Variants in ZNF729 observed in about 807,000 individuals in gnomAD.
ZNF729 encodes zinc finger protein 729.
ZNF729 carries 15 observed loss-of-function variants against 12.2 expected under a neutral mutation model. The observed-to-expected ratio is 1.23, with a 90% confidence interval of 0.82 to 1.89. ZNF729 has a LOEUF of 1.89. Among genes scored for constraint, ZNF729 ranks in the 40% most tolerant of loss-of-function variants. The probability of loss-of-function intolerance (pLI) is 0.00; values close to 1 mark genes in which losing one functional copy is unlikely to be tolerated. For synonymous variants in ZNF729, 492 were observed against 476.3 expected (o/e 1.03, Z -0.43); for missense variants, 1,540 against 1,456.7 (o/e 1.06, Z -0.93).
chr19:22,313,064 C>CTTTTTTTTTTT (rs148237802), intron 3 of ZNF729, among the ~76,000 whole-genome samples: 5 of 147,346 alleles, frequency 3.4e-5, no homozygotes, highest in African/African-American at 1.0e-4. Context: ...TGGCAATTTC[C>CTTTTTTTTTTT]TTTTTTTTTT....
In ZNF729 at chr19:22,295,038, T is replaced by TTGTGTGTGTGTGTG. The variant is rs71180536; in HGVS notation, c.30+8505_30+8518dup. Among the ~76,000 whole-genome samples the TTGTGTGTGTGTGTG allele has an allele frequency of 5.2e-3, 754 of 144,092 alleles. 6 individuals are homozygous for TTGTGTGTGTGTGTG. Among genetic ancestry groups the TTGTGTGTGTGTGTG allele is most frequent in the African/African-American group, 0.018 (711 of 38,906 alleles). The allele number at this position is 144,092 out of a possible 152,430, so 94.5% of individuals were successfully genotyped here. A position where few individuals can be genotyped will look rare whatever the true frequency, so the allele number is the denominator to read the frequency against. On this transcript the variant is annotated intron_variant, in intron 1 of 3. Coordinates refer to ENST00000601693, the MANE Select transcript of ZNF729 (RefSeq NM_001242680.2). ...TCTGGTTAGGTGTACTCCTAGATAT[T>TTGTGTGTGTGTGTG]TGTGTGTGTGTGTGTGTGTGTGTGT...
intron 1 of ZNF729, among the ~76,000 whole-genome samples, chr19:22,298,515 C>T (rs1968261494): frequency 6.6e-6 from 1 of 151,954 alleles, no homozygotes; most frequent in African/African-American, 2.4e-5. Context: ...AGCATAATTA[C>T]AGTGTCTTCT....
In ZNF729 at chr19:22,286,559, A is replaced by C; in HGVS notation, c.30+4A>C. On this transcript the variant is annotated splice_donor_region_variant and intron_variant, in intron 1 of 3. Transcript: ENST00000601693. ...TGCCCCTGGCAGCCTAGAAATGGTG[A>C]GAGTGCCGGGTCCGACATCCCGAGA... 6.2e-7 allele frequency: 1 copy of C among 1,613,818 alleles called. No individual in the cohort carries two copies. The highest frequency in any genetic ancestry group is 8.5e-7 in the Non-Finnish European group (1 of 1,179,978).
At chr19:22,290,493 A>G (rs935992176) in intron 1 of ZNF729, among the ~76,000 whole-genome samples, 9 of 152,196 alleles carry the variant, frequency 5.9e-5, no homozygotes, top group African/African-American at 2.2e-4. Context: ...GCCTTGTTTC[A>G]TATGGAAGAG....
intron 1 of ZNF729, chr19:22,298,938 C>T (rs1033771355): frequency 2.3e-4 from 35 of 152,218 alleles, no homozygotes; most frequent in African/African-American, 8.2e-4. Flanking sequence ...AGCTTAAATA[C>T]ATTCCACTAT....
intron 1 of ZNF729, among the ~76,000 whole-genome samples, chr19:22,294,626 T>A (rs965546315): frequency 1.3e-5 from 2 of 151,556 alleles, no homozygotes; most frequent in Admixed American, 6.6e-5. Context: ...TTATTTGTGT[T>A]ATCTCGGACT....
intron 3 of ZNF729, among the ~76,000 whole-genome samples, chr19:22,312,440 T>TTGTGTGTGTGTGTGTGTGTGTGTGTGTG (rs138264785): frequency 6.9e-6 from 1 of 144,552 alleles, no homozygotes; most frequent in Admixed American, 7.0e-5. Flanking sequence ...TTGTCTGAAA[T>TTGTGTGTGTGTGTGTGTGTGTGTGTGTG]TGTGTGTGTG....
Position 22,315,375 on chromosome 19 carries a change from A to G in ZNF729, c.1958A>G (p.Glu653Gly). The G allele has an allele frequency of 6.2e-7, 1 of 1,613,638 alleles. No homozygotes were observed. The highest frequency in any genetic ancestry group is 8.5e-7 in the Non-Finnish European group (1 of 1,179,814). The change falls in exon 4 of 4, where the codon GAG (glutamate) becomes GGG (glycine). Residue 653 changes from glutamate (E) to glycine (G), a missense_variant. Physicochemically the swap from Glu to Gly is moderately conservative, Grantham distance 98. Coordinates refer to ENST00000601693, the MANE Select transcript of ZNF729 (RefSeq NM_001242680.2). ...LTRHKAIHTG[E>G]KPYKCEECGK... ...AGACATAAAGCAATTCATACTGGAG[A>G]GAAACCTTACAAATGTGAAGAATGT...
At chr19:22,313,209 A>G (rs1413508112) in intron 3 of ZNF729, among the ~76,000 whole-genome samples, 1 of 152,096 alleles carries the variant, frequency 6.6e-6, no homozygotes, top group Non-Finnish European at 1.5e-5. Context: ...GTGCCACCAC[A>G]TCTGGCTAAT....
chr19:22,290,873 T>C (rs1968143134), intron 1 of ZNF729, among the ~76,000 whole-genome samples: 1 of 152,216 alleles, frequency 6.6e-6, no homozygotes, highest in African/African-American at 2.4e-5. Context: ...TCCTGGATTG[T>C]ATCTTTTCTA....
chr19:22,312,005 A>T (rs1968455472), intron 3 of ZNF729, among the ~76,000 whole-genome samples: 1 of 152,064 alleles, frequency 6.6e-6, no homozygotes, highest in Non-Finnish European at 1.5e-5. Context: ...ATGTAAGAAT[A>T]GCCCTTATAA....
At chr19:22,291,028 A>G (rs112569701) in intron 1 of ZNF729, among the ~76,000 whole-genome samples, 4,842 of 152,206 alleles carry the variant, frequency 0.032, 260 homozygotes, top group African/African-American at 0.11. Flanking sequence ...TGTGACTGGC[A>G]TCTGCAGTAA....
rs1968465474 is a variant in ZNF729 at position 22,312,611 on chromosome 19, T to C, written c.254-1060T>C. ...TCTCAGCAGACTCAAGCTGTCATTT[T>C]AAAGTATGCCACCATTTCTTTCAGC... On this transcript the variant is annotated intron_variant, in intron 3 of 3. Transcript: ENST00000601693. 1.3e-5 allele frequency among the ~76,000 whole-genome samples: 2 copies of C among 152,220 alleles called. 1 individual carries two copies. The highest frequency in any genetic ancestry group is 1.3e-4 in the Admixed American group (2 of 15,276).
intron 1 of ZNF729, among the ~76,000 whole-genome samples, chr19:22,295,691 C>T (rs1345119503): frequency 6.6e-6 from 1 of 152,110 alleles, no homozygotes; most frequent in Non-Finnish European, 1.5e-5. Context: ...TGAGCCACCG[C>T]GCCCAGTCGA....
In ZNF729 at chr19:22,316,441, G is replaced by C; in HGVS notation, c.3024G>C (p.Lys1008Asn). The C allele has an allele frequency of 2.5e-6, 4 of 1,612,544 alleles. No individual in the cohort carries two copies. Among genetic ancestry groups the C allele is most frequent in the Non-Finnish European group, 3.4e-6 (4 of 1,179,438 alleles). ...GKDFNNSSTL[K>N]KHKLIHTREK... ...ATTTTAACAATTCCTCAACCCTTAA[G>C]AAACATAAGCTAATTCATACTAGGG... is the stretch of plus-strand genomic sequence containing the variant. The change falls in exon 4 of 4, where the codon AAG becomes AAC. Residue 1008 changes from lysine to asparagine, a missense_variant. By Grantham distance (94) the Lys-to-Asn change is moderately conservative. Transcript: ENST00000601693.
chr19:22,314,316 C>T lies in ZNF729; in HGVS notation c.899C>T (p.Ala300Val). 2 of 1,610,480 alleles carry T rather than the reference C, an allele frequency of 1.2e-6. No homozygotes were observed. The highest frequency in any genetic ancestry group is 1.7e-6 in the Non-Finnish European group (2 of 1,179,262). ...TACAAATGTGAAGAATGTGGCAAAG[C>T]TTTTAAGGGGTCCTCAAATTTTAAT... ...KTYKCEECGK[A>V]FKGSSNFNAH... Residue 300 changes from alanine (A) to valine (V), a missense_variant, in exon 4 of 4, where the codon GCT (alanine) becomes GTT (valine). Physicochemically the swap from Ala to Val is moderately conservative, Grantham distance 64 (BLOSUM62 0). Coordinates refer to ENST00000601693, the MANE Select transcript of ZNF729 (RefSeq NM_001242680.2).
In ZNF729 at chr19:22,314,132, A is replaced by T; in HGVS notation, c.715A>T (p.Lys239Ter). Residue 239 changes from lysine to a stop codon, truncating the protein, a stop_gained, in exon 4 of 4, where the codon AAG becomes TAG. Transcript: ENST00000601693. LOFTEE classifies it low-confidence loss of function (END_TRUNC). The stretch of plus-strand genomic sequence containing the variant: ...TACTGAAGACAAACCTTACAAATAT[A>T]AGAAATGTGGCAATGCCTTTAAATT... Reference protein sequence around the residue: ...IHTEDKPYKYKKCGNAFKFSS... With the variant: ...IHTEDKPYKY The T allele has an allele frequency of 6.4e-7, 1 of 1,554,206 alleles. No homozygotes were observed. Among genetic ancestry groups the T allele is most frequent in the Non-Finnish European group, 8.7e-7 (1 of 1,150,528 alleles).
chr19:22,298,605 C>T (rs1337245756), intron 1 of ZNF729, among the ~76,000 whole-genome samples: 2 of 152,188 alleles, frequency 1.3e-5, no homozygotes, highest in African/African-American at 4.8e-5. Flanking sequence ...CCTCCACCTC[C>T]TGGGCTCAGG....
chr19:22,290,099 T>C (rs1276311280), intron 1 of ZNF729, among the ~76,000 whole-genome samples: 1 of 152,188 alleles, frequency 6.6e-6, no homozygotes, highest in East Asian at 1.9e-4. Flanking sequence ...AGCCTGAGCC[T>C]AGTGACTCTA....
Sources: allele counts gnomAD v4.1 joint callset (sites outside exome capture counted in the v4.1 genomes callset), GRCh38; gene constraint gnomAD v4.1.1; transcripts MANE v1.5; gene names NCBI Gene and HGNC (gene_info 2026-07-23, HGNC 2026-07-21).